ADARB2: variants seen among roughly 807,000 people sequenced by gnomAD.
ADARB2 encodes the protein inactive double-stranded RNA-specific editase B2.
Under a neutral mutation model 62.2 loss-of-function variants are expected in ADARB2, and 25 were observed. That is an observed-to-expected ratio of 0.40 (90% confidence interval 0.29 to 0.56). The LOEUF is 0.56. Among genes scored for constraint, ADARB2 ranks in the 20% least tolerant of loss-of-function variants. The pLI is 0.43. For missense variants in ADARB2, 1,071 were observed against 1,077.4 expected, an observed-to-expected ratio of 0.99 and a Z score of 0.08; for synonymous variants, 572 against 500.8, an observed-to-expected ratio of 1.14 and a Z score of -1.90.
At chr10:1,492,052 C>T (rs1462097067) in intron 1 of ADARB2, among the ~76,000 whole-genome samples, 1 of 152,188 alleles carries the variant, frequency 6.6e-6, no homozygotes, top group Non-Finnish European at 1.5e-5. Context: ...TGTTCTATAA[C>T]TCTTCATTGA....
At chr10:1,697,596 C>T (rs575727580) in intron 1 of ADARB2, among the ~76,000 whole-genome samples, 4 of 152,220 alleles carry the variant, frequency 2.6e-5, no homozygotes, top group Non-Finnish European at 5.9e-5. Flanking sequence ...ATGCTGTCTT[C>T]TCTAATGAGA....
At chr10:1,210,563 A>G (rs1837137378) in intron 7 of ADARB2, among the ~76,000 whole-genome samples, 1 of 152,212 alleles carries the variant, frequency 6.6e-6, no homozygotes, top group African/African-American at 2.4e-5. Flanking sequence ...TCGCCTCCAT[A>G]AAGTCGTCTG....
chr10:1,482,744 A>T (rs547975156), intron 1 of ADARB2, among the ~76,000 whole-genome samples: 1 of 152,280 alleles, frequency 6.6e-6, no homozygotes, highest in Admixed American at 6.5e-5. Flanking sequence ...TGTTGTCTGC[A>T]TTGGAATGCA....
intron 1 of ADARB2, among the ~76,000 whole-genome samples, chr10:1,508,058 C>A (rs1831873791): frequency 6.6e-6 from 1 of 152,228 alleles, no homozygotes; most frequent in African/African-American, 2.4e-5. Context: ...AGGGAGATCA[C>A]ACAATTCCCG....
In ADARB2 at chr10:1,714,892, T is replaced by C. The variant is rs369157616; in HGVS notation, c.100+22159A>G. Among the ~76,000 whole-genome samples, 9 of 152,332 alleles carry C rather than the reference T, an allele frequency of 5.9e-5. No homozygotes were observed. In the South Asian group the frequency reaches 1.9e-3, roughly 32 times the overall value. On this transcript the variant is annotated intron_variant, in intron 1 of 9. Coordinates refer to ENST00000381312, the MANE Select transcript of ADARB2 (RefSeq NM_018702.4). ...TATACTTTAAGTTTTAGGGTACATG[T>C]GCACAACGTGCAGGTTTGTTACATA...
At chr10:1,639,406 C>G (rs941528994) in intron 1 of ADARB2, among the ~76,000 whole-genome samples, 9 of 152,232 alleles carry the variant, frequency 5.9e-5, no homozygotes, top group Admixed American at 5.9e-4. Context: ...AGAAACGCCA[C>G]CAGCTTTGGA....
chr10:1,186,227 AC>A (rs1292310259), intron 8 of ADARB2, among the ~76,000 whole-genome samples: 2 of 152,194 alleles, frequency 1.3e-5, no homozygotes, highest in Admixed American at 1.3e-4. Context: ...GACAAAGCCC[AC>A]TTCTTCCCAT....
Position 1,571,681 on chromosome 10 carries a change from T to G in ADARB2, c.100+165370A>C, listed in dbSNP as rs113671247. 7.6e-5 allele frequency among the ~76,000 whole-genome samples: 11 copies of G among 145,130 alleles called. No homozygotes were observed. In the East Asian group the frequency reaches 2.0e-3, roughly 27 times the overall value. On this transcript the variant is annotated intron_variant, in intron 1 of 9. Coordinates refer to ENST00000381312, the MANE Select transcript of ADARB2 (RefSeq NM_018702.4). ...GGACAGGTGAGTGTGCAGGTGAGTG[T>G]GCAGGTGAGTGGACAGGTGAGTGGA...
chr10:1,493,520 C>T (rs1194945579), intron 1 of ADARB2, among the ~76,000 whole-genome samples: 1 of 152,050 alleles, frequency 6.6e-6, no homozygotes, highest in Admixed American at 6.6e-5. Context: ...TCAGAAAGTG[C>T]AAGTTCACAC....
intron 6 of ADARB2, among the ~76,000 whole-genome samples, chr10:1,219,799 T>A (rs2131756542): frequency 6.6e-6 from 1 of 150,840 alleles, no homozygotes; most frequent in Admixed American, 6.6e-5. Context: ...AAGATAATGA[T>A]GGCAATGGTG....
At chr10:1,422,857 G>C (rs532618127) in intron 1 of ADARB2, among the ~76,000 whole-genome samples, 1 of 152,108 alleles carries the variant, frequency 6.6e-6, no homozygotes, top group African/African-American at 2.4e-5. Flanking sequence ...CGCAAACTCC[G>C]CCTGGGGTCT....
intron 1 of ADARB2, among the ~76,000 whole-genome samples, chr10:1,551,179 C>A (rs1832616311): frequency 6.6e-6 from 1 of 152,130 alleles, no homozygotes; most frequent in South Asian, 2.1e-4. Flanking sequence ...TGTGAGGACA[C>A]AGAGAGAAGA....
chr10:1,291,691 G>T (rs535287112), intron 3 of ADARB2: 1 of 152,202 alleles, frequency 6.6e-6, no homozygotes, highest in Admixed American at 6.5e-5. Context: ...GGCCCACCTC[G>T]GCCGGGTGAA....
intron 1 of ADARB2, among the ~76,000 whole-genome samples, chr10:1,727,299 A>T (rs1835179073): frequency 6.6e-6 from 1 of 152,146 alleles, no homozygotes; most frequent in Non-Finnish European, 1.5e-5. Flanking sequence ...GGAGCCCCGC[A>T]GAGCAAAACC....
At chr10:1,309,717 T>TG (rs1245533023) in intron 3 of ADARB2, among the ~76,000 whole-genome samples, 1 of 152,156 alleles carries the variant, frequency 6.6e-6, no homozygotes, top group Non-Finnish European at 1.5e-5. Context: ...GAATCCAGGC[T>TG]GGTGGGGCTG....
intron 1 of ADARB2, among the ~76,000 whole-genome samples, chr10:1,525,927 CTG>C (rs1430965994): frequency 6.6e-6 from 1 of 151,364 alleles, no homozygotes; most frequent in Admixed American, 6.6e-5. Flanking sequence ...GCACGTGTGT[CTG>C]TGTGTGAGCA....
chr10:1,579,095 C>T (rs1266306375), intron 1 of ADARB2, among the ~76,000 whole-genome samples: 1 of 152,182 alleles, frequency 6.6e-6, no homozygotes, highest in Non-Finnish European at 1.5e-5. Flanking sequence ...TTTACCCTGC[C>T]TTCCAGCTCT....
intron 1 of ADARB2, among the ~76,000 whole-genome samples, chr10:1,557,964 CA>C (rs1027869530): frequency 3.3e-5 from 5 of 150,370 alleles, no homozygotes. Context: ...CATGTTCTTC[CA>C]GCATCTGTGG....
chr10:1,557,060 T>G (rs573135102), intron 1 of ADARB2: 2 of 356,336 alleles, frequency 5.6e-6, no homozygotes, highest in African/African-American at 4.3e-5. Flanking sequence ...CTTGGAAACC[T>G]CAGTTTAAGC....
Sources: allele counts gnomAD v4.1 joint callset (sites outside exome capture counted in the v4.1 genomes callset), GRCh38; gene constraint gnomAD v4.1.1; transcripts MANE v1.5; gene names NCBI Gene and HGNC (gene_info 2026-07-23, HGNC 2026-07-21).